Variants in PFDN2 observed in about 807,000 individuals in gnomAD.
The protein encoded by PFDN2 is prefoldin subunit 2, also known as prefoldin 2.
A neutral mutation model predicts 18.3 loss-of-function variants in PFDN2; 7 were observed. The ratio of observed to expected loss-of-function variants is 0.38; its 90% CI spans 0.22 to 0.72. The LOEUF (loss-of-function observed/expected upper bound fraction) is 0.72, where lower values mean the gene tolerates loss of function less well. Ranked by LOEUF, PFDN2 falls within the 30% of genes least tolerant of loss-of-function variation. The pLI is 0.47. For missense variants in PFDN2, 181 were observed against 199.1 expected (o/e 0.91, Z 0.55); for synonymous variants, 76 against 75.0 (o/e 1.01, Z -0.07).
intron 1 of PFDN2, among the ~76,000 whole-genome samples, chr1:161,104,795 C>A (rs1050884943): frequency 2.0e-5 from 3 of 152,092 alleles, no homozygotes; most frequent in African/African-American, 4.8e-5. Context: ...AAATGGCTGA[C>A]CTGCACCACC....
intron 1 of PFDN2, among the ~76,000 whole-genome samples, chr1:161,111,087 G>A (rs886998551): frequency 9.2e-5 from 14 of 151,866 alleles, no homozygotes; most frequent in Non-Finnish European, 2.1e-4. Flanking sequence ...TGATCCGCCC[G>A]CCTCAGCCTC....
intron 1 of PFDN2, among the ~76,000 whole-genome samples, chr1:161,113,566 A>G (rs1654850365): frequency 6.6e-6 from 1 of 152,200 alleles, no homozygotes; most frequent in Admixed American, 6.5e-5. Context: ...GGACTGCTTG[A>G]GCCCAAGAGT....
intron 3 of PFDN2, 52 bp from the exon 4 acceptor site, chr1:161,100,911 C>T (rs1392179884): frequency 4.4e-6 from 6 of 1,361,706 alleles, no homozygotes; most frequent in East Asian, 2.3e-5. Context: ...TCCTTTCCCC[C>T]ACCTGGAATG....
chr1:161,105,732 T>C (rs916458937), intron 1 of PFDN2, among the ~76,000 whole-genome samples: 1 of 152,196 alleles, frequency 6.6e-6, no homozygotes, highest in Admixed American at 6.5e-5. Flanking sequence ...GTGCTGGGAT[T>C]ACAGGCGTGA....
chr1:161,115,198 G>C (rs977633991), intron 1 of PFDN2, among the ~76,000 whole-genome samples: 3 of 152,254 alleles, frequency 2.0e-5, no homozygotes, highest in East Asian at 1.9e-4. Context: ...TGGGTAGCTA[G>C]GATTACAGGT....
intron 3 of PFDN2, 94 bp from the exon 4 acceptor site, chr1:161,100,953 A>C: frequency 1.1e-6 from 1 of 889,410 alleles, no homozygotes; most frequent in Non-Finnish European, 1.8e-6. Flanking sequence ...TAACACATTT[A>C]ACCTTACCTT....
intron 2 of PFDN2, 28 bp from the exon 3 acceptor site, chr1:161,102,199 G>T: frequency 6.2e-7 from 1 of 1,614,080 alleles, no homozygotes; most frequent in Non-Finnish European, 8.5e-7. Flanking sequence ...GGCAGGACCT[G>T]AGGATTCAGC....
At chr1:161,113,787 G>GT (rs1462516755) in intron 1 of PFDN2, among the ~76,000 whole-genome samples, 1 of 152,284 alleles carries the variant, frequency 6.6e-6, no homozygotes, top group African/African-American at 2.4e-5. Context: ...GTCTCAGTCA[G>GT]TAACAGAAGG....
intron 1 of PFDN2, among the ~76,000 whole-genome samples, chr1:161,111,650 A>G (rs569438837): frequency 6.6e-6 from 1 of 152,254 alleles, no homozygotes; most frequent in South Asian, 2.1e-4. Flanking sequence ...TGCCCGATAC[A>G]ATGTAGATCT....
Position 161,100,834 on chromosome 1 carries a change from G to A in PFDN2, c.314C>T (p.Thr105Ile). 1.2e-6 allele frequency: 2 copies of A among 1,613,614 alleles called. No individual in the cohort carries two copies. Among genetic ancestry groups the A allele is most frequent in the Non-Finnish European group, 1.7e-6 (2 of 1,179,550 alleles). Residue 105 changes from threonine to isoleucine, a missense_variant, in exon 4 of 4, where the codon ACA becomes ATA. Coordinates refer to ENST00000368010, the MANE Select transcript of PFDN2 (RefSeq NM_012394.4). Reference sequence around the variant, plus strand: ...TTTTCCCTTTGCCTGAAGCTGCTGTGTCAGTGTCTCAATGATCTTCTGTAT... The same window carrying A: ...TTTTCCCTTTGCCTGAAGCTGCTGTATCAGTGTCTCAATGATCTTCTGTAT... ...EQIQKIIETLTQQLQAKGKEL... is the reference protein window; with the variant it reads ...EQIQKIIETLIQQLQAKGKEL...
At chr1:161,101,136 G>A (rs938670039) in intron 3 of PFDN2, among the ~76,000 whole-genome samples, 3 of 152,008 alleles carry the variant, frequency 2.0e-5, no homozygotes, top group African/African-American at 7.3e-5. Context: ...CAGTCCTCCT[G>A]CCTCGGTCTC....
At chr1:161,110,068 A>AAAT (rs1654774314) in intron 1 of PFDN2, among the ~76,000 whole-genome samples, 1 of 150,090 alleles carries the variant, frequency 6.7e-6, no homozygotes, top group Admixed American at 6.7e-5. Flanking sequence ...ACACAAAACA[A>AAAT]AATAGTGTGG....
chr1:161,108,747 ACTG>A (rs1160039848), intron 1 of PFDN2, among the ~76,000 whole-genome samples: 2 of 152,150 alleles, frequency 1.3e-5, no homozygotes, highest in Admixed American at 6.6e-5. Flanking sequence ...ATTAATTTAT[ACTG>A]CTACCAGCAA....
chr1:161,108,030 G>C (rs1160657022), intron 1 of PFDN2, among the ~76,000 whole-genome samples: 1 of 149,996 alleles, frequency 6.7e-6, no homozygotes, highest in Admixed American at 6.7e-5. Context: ...CAAAAGAATC[G>C]CTTGAACCCA....
intron 1 of PFDN2, among the ~76,000 whole-genome samples, chr1:161,113,022 T>C (rs1342166449): frequency 6.6e-6 from 1 of 152,156 alleles, no homozygotes; most frequent in African/African-American, 2.4e-5. Flanking sequence ...CTCTGGATAG[T>C]TGGATTATGG....
intron 3 of PFDN2, among the ~76,000 whole-genome samples, chr1:161,101,086 T>G (rs1240589020): frequency 6.6e-6 from 1 of 152,244 alleles, no homozygotes; most frequent in Non-Finnish European, 1.5e-5. Flanking sequence ...GACAAGTTCC[T>G]ACTATGTTAC....
chr1:161,110,500 C>T (rs1415385720), intron 1 of PFDN2, among the ~76,000 whole-genome samples: 2 of 152,082 alleles, frequency 1.3e-5, no homozygotes, highest in Admixed American at 6.6e-5. Flanking sequence ...AATTTATATT[C>T]CTGTTTTCTT....
At chr1:161,107,088 G>A (rs188210527) in intron 1 of PFDN2, among the ~76,000 whole-genome samples, 56 of 152,308 alleles carry the variant, frequency 3.7e-4, no homozygotes, top group Non-Finnish European at 7.4e-4. Context: ...GGGATTACAC[G>A]AATGAGCCAC....
At chr1:161,116,662 T>C (rs1654937276) in intron 1 of PFDN2, among the ~76,000 whole-genome samples, 1 of 152,082 alleles carries the variant, frequency 6.6e-6, no homozygotes, top group South Asian at 2.1e-4. Context: ...CCCACTAGAC[T>C]ATGCTCTTCG....
Sources: gnomAD v4.1 joint callset for allele counts (sites outside exome capture counted in the v4.1 genomes callset) on GRCh38, gnomAD v4.1.1 for gene constraint, MANE v1.5 for transcripts, NCBI Gene and HGNC (gene_info 2026-07-23, HGNC 2026-07-21) for gene names.